Variants in TENM2 observed in about 807,000 individuals in gnomAD.
The protein encoded by TENM2 is teneurin transmembrane protein 2.
Under a neutral mutation model 245.2 loss-of-function variants are expected in TENM2, and 52 were observed. The observed-to-expected ratio is 0.21, with a 90% CI of 0.17 to 0.27. TENM2 has a LOEUF of 0.27. Among genes scored for constraint, TENM2 ranks in the 10% least tolerant of loss-of-function variants. The pLI, the probability that TENM2 is intolerant of heterozygous loss-of-function variation, is 1.00. For synonymous variants in TENM2, 1,363 were observed against 1,438.9 expected (o/e 0.95, Z 1.19); for missense variants, 3,046 against 3,666.8 (o/e 0.83, Z 4.37).
chr5:167,126,923 GCA>G, the TENM2 span, among the ~76,000 whole-genome samples: 4 of 151,936 alleles, frequency 2.6e-5, no homozygotes, highest in African/African-American at 4.8e-5. Flanking sequence ...ATATTTTCAT[GCA>G]CAGTTATTTG....
chr5:167,229,778 C>T, the TENM2 span, among the ~76,000 whole-genome samples: 31,518 of 152,074 alleles, frequency 0.21, 3,822 homozygotes, highest in African/African-American at 0.33. Context: ...TGTGGTATGC[C>T]AAGATGGGGT....
chr5:167,105,316 A>G, the TENM2 span, among the ~76,000 whole-genome samples: 12 of 152,278 alleles, frequency 7.9e-5, no homozygotes, highest in African/African-American at 2.9e-4. Flanking sequence ...ATTGTGTGAT[A>G]TTATCACCCC....
At chr5:167,070,750 G>A in the TENM2 span, among the ~76,000 whole-genome samples, 2 of 152,068 alleles carry the variant, frequency 1.3e-5, no homozygotes, top group African/African-American at 2.4e-5. Flanking sequence ...TTGAGCTGTA[G>A]AGCCTGGTGA....
chr5:167,265,937 T>G, the TENM2 span, among the ~76,000 whole-genome samples: 1 of 152,008 alleles, frequency 6.6e-6, no homozygotes, highest in Non-Finnish European at 1.5e-5. Flanking sequence ...CCAAGTGGTC[T>G]CGCTCATGAA....
At chr5:167,295,372 G>T (rs1223995136) in intron 1 of TENM2, among the ~76,000 whole-genome samples, 1 of 152,116 alleles carries the variant, frequency 6.6e-6, no homozygotes, top group African/African-American at 2.4e-5. Flanking sequence ...GCTTCTCTTG[G>T]CTGGTGCCAC....
chr5:167,899,867 G>C (rs960602703), intron 3 of TENM2, among the ~76,000 whole-genome samples: 5 of 152,056 alleles, frequency 3.3e-5, no homozygotes, highest in Admixed American at 2.6e-4. Flanking sequence ...CTTACAAAAA[G>C]TTGACATCTG....
intron 7 of TENM2, among the ~76,000 whole-genome samples, chr5:168,080,741 C>T (rs7723257): frequency 0.41 from 62,770 of 151,916 alleles, 13,949 homozygotes; most frequent in African/African-American, 0.57. Flanking sequence ...TTGAGCGATT[C>T]TGAGTGAGTT....
chr5:168,071,623 A>AT (rs1562121901), intron 7 of TENM2, among the ~76,000 whole-genome samples: 2 of 152,118 alleles, frequency 1.3e-5, no homozygotes. Context: ...CTTGAATAAA[A>AT]TTTTTTTCAA....
intron 2 of TENM2, among the ~76,000 whole-genome samples, chr5:167,739,584 T>C (rs886784304): frequency 1.3e-5 from 2 of 152,154 alleles, no homozygotes; most frequent in Non-Finnish European, 2.9e-5. Context: ...GGAGCAAGTC[T>C]GTGCTGCCTT....
chr5:167,343,136 C>T (rs1437821120), intron 1 of TENM2, among the ~76,000 whole-genome samples: 8 of 152,146 alleles, frequency 5.3e-5, no homozygotes, highest in Admixed American at 5.2e-4. Context: ...GGAGCTCTTG[C>T]ACCTGGCTCC....
intron 7 of TENM2, among the ~76,000 whole-genome samples, chr5:168,087,830 C>T (rs1475656545): frequency 3.9e-5 from 6 of 151,958 alleles, no homozygotes; most frequent in Admixed American, 3.3e-4. Context: ...TAATAAAGCA[C>T]AATAAAGGGC....
chr5:167,996,719 TTTTG>T (rs71281808), intron 5 of TENM2, among the ~76,000 whole-genome samples: 45 of 150,870 alleles, frequency 3.0e-4, no homozygotes, highest in African/African-American at 4.2e-4. Context: ...TTGAATCACT[TTTTG>T]TTTGTTTGTT....
intron 20 of TENM2, among the ~76,000 whole-genome samples, chr5:168,212,429 T>G (rs560071920): frequency 1.1e-4 from 16 of 152,336 alleles, no homozygotes; most frequent in African/African-American, 3.8e-4. Flanking sequence ...TGAACCACAC[T>G]GAAATGAAGA....
At chr5:167,184,959 A>G in the TENM2 span, among the ~76,000 whole-genome samples, 2 of 152,204 alleles carry the variant, frequency 1.3e-5, no homozygotes. Flanking sequence ...TGTGCAGTTC[A>G]CAATGGGATT....
At position 167,706,294 on chromosome 5, in the gene TENM2, T is replaced by C. The variant is rs952632037; in HGVS notation, c.503-169692T>C. 2.7e-5 allele frequency among the ~76,000 whole-genome samples: 4 copies of C among 147,248 alleles called. No individual in the cohort carries two copies. The Admixed American group carries it at 2.7e-4, about 10-fold the overall frequency. On this transcript the variant is annotated intron_variant, in intron 2 of 28. Transcript: ENST00000518659. The stretch of plus-strand genomic sequence containing the variant: ...TATATATTATGATAAGTATATATTA[T>C]ATATGTATCACAGTATATATAAGAA...
intron 2 of TENM2, among the ~76,000 whole-genome samples, chr5:167,610,100 T>C (rs1398000376): frequency 6.6e-6 from 1 of 152,052 alleles, no homozygotes; most frequent in African/African-American, 2.4e-5. Flanking sequence ...TGGAAACACT[T>C]TAATTACATT....
intron 9 of TENM2, among the ~76,000 whole-genome samples, chr5:168,107,298 A>C (rs956917983): frequency 1.3e-5 from 2 of 152,046 alleles, no homozygotes; most frequent in Non-Finnish European, 2.9e-5. Context: ...CAACCTCTCC[A>C]TGATGGTATT....
chr5:167,994,887 A>T (rs1783937235), intron 5 of TENM2, among the ~76,000 whole-genome samples: 1 of 152,182 alleles, frequency 6.6e-6, no homozygotes. Context: ...TCTCTTGAGT[A>T]CATCTTAGTG....
At chr5:167,028,839 T>G in the TENM2 span, among the ~76,000 whole-genome samples, 1 of 152,120 alleles carries the variant, frequency 6.6e-6, no homozygotes, top group African/African-American at 2.4e-5. Flanking sequence ...GTCGAAGCTC[T>G]GCCACTAATG....
Sources: gnomAD v4.1 joint callset for allele counts (sites outside exome capture counted in the v4.1 genomes callset) on GRCh38, gnomAD v4.1.1 for gene constraint, MANE v1.5 for transcripts, NCBI Gene and HGNC (gene_info 2026-07-23, HGNC 2026-07-21) for gene names.